ANO2: variants seen among roughly 807,000 people sequenced by gnomAD.
The protein encoded by ANO2 is anoctamin 2.
A neutral mutation model predicts 124.2 loss-of-function variants in ANO2; 101 were observed. The observed-to-expected ratio is 0.81, with a 90% CI of 0.69 to 0.96. The LOEUF is 0.96. Ranked by LOEUF, ANO2 falls within the 40% of genes least tolerant of loss-of-function variation. ANO2 has a pLI of 0.00. For synonymous variants in ANO2, 486 were observed against 482.5 expected (o/e 1.01, Z -0.09); for missense variants, 1,293 against 1,274.5 (o/e 1.01, Z -0.22).
intron 14 of ANO2, among the ~76,000 whole-genome samples, chr12:5,651,977 G>A (rs2136961053): frequency 6.6e-6 from 1 of 152,304 alleles, no homozygotes; most frequent in African/African-American, 2.4e-5. Context: ...ATGTACCACA[G>A]TTCATTTATC....
chr12:5,725,194 A>T (rs541544726), intron 14 of ANO2, among the ~76,000 whole-genome samples: 1 of 152,000 alleles, frequency 6.6e-6, no homozygotes, highest in East Asian at 1.9e-4. Flanking sequence ...AATCTCACAC[A>T]TGCTCATGCC....
At chr12:5,945,529 T>TC (rs561770639), upstream of ANO2, among the ~76,000 whole-genome samples, 2 of 152,148 alleles carry the variant, frequency 1.3e-5, no homozygotes, top group South Asian at 2.1e-4. Context: ...CGCTCCCTGC[T>TC]CCCCCAGAGC....
intron 3 of ANO2, among the ~76,000 whole-genome samples, chr12:5,854,908 G>A (rs181852980): frequency 1.3e-5 from 2 of 151,130 alleles, no homozygotes; most frequent in Non-Finnish European, 2.9e-5. Flanking sequence ...ATGAGAGGAA[G>A]GCACCTCATC....
At chr12:5,640,667 A>G (rs1946311060) in intron 15 of ANO2, among the ~76,000 whole-genome samples, 1 of 152,206 alleles carries the variant, frequency 6.6e-6, no homozygotes, top group Non-Finnish European at 1.5e-5. Context: ...AATCAAAACC[A>G]CAATGAGATA....
At chr12:5,590,288 A>T (rs112778700) in intron 20 of ANO2, among the ~76,000 whole-genome samples, 3 of 152,112 alleles carry the variant, frequency 2.0e-5, no homozygotes, top group Admixed American at 1.3e-4. Flanking sequence ...TCTTCTTCCA[A>T]TGTGGCCCAG....
chr12:5,897,087 G>T (rs753580720), intron 3 of ANO2, among the ~76,000 whole-genome samples: 6 of 152,174 alleles, frequency 3.9e-5, no homozygotes, highest in Non-Finnish European at 8.8e-5. Context: ...GATGAGCTTT[G>T]AAAAGTTTCA....
chr12:5,744,240 C>A lies in ANO2; in HGVS notation c.1268G>T (p.Ser423Ile). Residue 423 changes from serine to isoleucine, a missense_variant, in exon 12 of 25, where the codon AGC becomes ATC. Coordinates refer to ENST00000682330, the MANE Select transcript of ANO2 (RefSeq NM_001364791.2). ...GGCCTGCGCGGTCCCACAGGCTGAG[C>A]TGAGGTTCCAGTAATCACAGGACTT... is the stretch of plus-strand genomic sequence containing the variant. ...CDKSCDYWNL[S>I]SACGTAQASH... 1 of 1,612,780 alleles carries A rather than the reference C, an allele frequency of 6.2e-7. No homozygotes were observed. The highest frequency in any genetic ancestry group is 8.5e-7 in the Non-Finnish European group (1 of 1,179,882).
chr12:5,728,048 C>T (rs1452341946), intron 14 of ANO2, among the ~76,000 whole-genome samples: 3 of 152,132 alleles, frequency 2.0e-5, no homozygotes, highest in African/African-American at 7.2e-5. Flanking sequence ...CCTCATGATC[C>T]GCCCACCTCG....
At chr12:5,679,473 C>T (rs1299793656) in intron 14 of ANO2, among the ~76,000 whole-genome samples, 1 of 152,112 alleles carries the variant, frequency 6.6e-6, no homozygotes, top group Admixed American at 6.5e-5. Flanking sequence ...AAAAAGTGGG[C>T]AGAGGACATA....
chr12:5,899,965 T>G (rs1414068387), intron 3 of ANO2, among the ~76,000 whole-genome samples: 1 of 152,168 alleles, frequency 6.6e-6, no homozygotes, highest in Non-Finnish European at 1.5e-5. Context: ...CCAGATGAAT[T>G]TAAAAATCAT....
intron 1 of ANO2, among the ~76,000 whole-genome samples, chr12:5,933,052 A>G (rs766600343): frequency 1.3e-5 from 2 of 151,998 alleles, no homozygotes; most frequent in Admixed American, 6.5e-5. Flanking sequence ...CCTCACCCTC[A>G]TTTTCTGCCT....
chr12:5,934,495 T>C (rs1197595076), intron 1 of ANO2, among the ~76,000 whole-genome samples: 1 of 152,206 alleles, frequency 6.6e-6, no homozygotes, highest in Non-Finnish European at 1.5e-5. Flanking sequence ...GAGAAATTCA[T>C]TTCAGGAAGT....
chr12:5,744,135 A>G, intron 12 of ANO2, 22 bp downstream of exon 12: 2 of 1,613,030 alleles, frequency 1.2e-6, no homozygotes, highest in Non-Finnish European at 1.7e-6. Flanking sequence ...CCATATAAGC[A>G]AGCCTGGTGA....
At chr12:5,898,731 G>A (rs1279496710) in intron 3 of ANO2, among the ~76,000 whole-genome samples, 2 of 152,178 alleles carry the variant, frequency 1.3e-5, no homozygotes, top group African/African-American at 2.4e-5. Context: ...TTTGGGTGGT[G>A]GGGGTAGGGT....
intron 22 of ANO2, among the ~76,000 whole-genome samples, chr12:5,577,016 A>T (rs1942450955): frequency 6.6e-6 from 1 of 152,266 alleles, no homozygotes; most frequent in African/African-American, 2.4e-5. Context: ...AGGCCAGGGA[A>T]GTAAGACTGC....
intron 9 of ANO2, among the ~76,000 whole-genome samples, chr12:5,801,038 A>G (rs1189138460): frequency 6.6e-6 from 1 of 152,128 alleles, no homozygotes; most frequent in African/African-American, 2.4e-5. Context: ...CCAGGAAGCT[A>G]AGGGAAGAAA....
intron 14 of ANO2, among the ~76,000 whole-genome samples, chr12:5,697,129 C>A (rs1227033415): frequency 6.6e-6 from 1 of 152,068 alleles, no homozygotes; most frequent in Non-Finnish European, 1.5e-5. Flanking sequence ...GAAAAGGAAA[C>A]AAAATGTAAG....
At chr12:5,865,681 T>A (rs553186135) in intron 3 of ANO2, among the ~76,000 whole-genome samples, 1 of 151,084 alleles carries the variant, frequency 6.6e-6, no homozygotes, top group African/African-American at 2.4e-5. Context: ...ATTCACACTA[T>A]CATGCCACCA....
At position 5,900,823 on chromosome 12, in the gene ANO2, A is replaced by G. The variant is rs998090669; in HGVS notation, c.534+20217T>C. On this transcript the variant is annotated intron_variant, in intron 3 of 24. Coordinates refer to ENST00000682330, the MANE Select transcript of ANO2 (RefSeq NM_001364791.2). This position sits in a 1 kb window ranked among gnomAD's most constrained non-coding sequence, Gnocchi z 4.2. ...TGGTGATGGCTGTTTGGAAAGAGTCAAGGCCAAGAGGGCAGGAAGGCGTCT... is the reference window on the plus strand; with the variant it reads ...TGGTGATGGCTGTTTGGAAAGAGTCGAGGCCAAGAGGGCAGGAAGGCGTCT... 6.6e-6 allele frequency among the ~76,000 whole-genome samples: 1 copy of G among 151,774 alleles called. No individual in the cohort carries two copies. Among genetic ancestry groups the G allele is most frequent in the African/African-American group, 2.4e-5 (1 of 41,020 alleles).
Sources: gnomAD v4.1 joint callset for allele counts (sites outside exome capture counted in the v4.1 genomes callset) on GRCh38, gnomAD v4.1.1 for gene constraint, Gnocchi (gnomAD v3.1) non-coding constraint, MANE v1.5 for transcripts, NCBI Gene and HGNC (gene_info 2026-07-23, HGNC 2026-07-21) for gene names.